Variants in RELCH observed in about 807,000 individuals in gnomAD.
RELCH encodes RAB11 binding and LisH domain, coiled-coil and HEAT repeat containing.
Under a neutral mutation model 150.3 loss-of-function variants are expected in RELCH, and 41 were observed. That is an observed-to-expected ratio of 0.27 (90% CI 0.21 to 0.35). The LOEUF (loss-of-function observed/expected upper bound fraction) is 0.35, where lower values mean the gene tolerates loss of function less well. Among genes scored for constraint, RELCH ranks in the 10% least tolerant of loss-of-function variants. The pLI is 1.00. For missense variants in RELCH, 1,092 were observed against 1,467.8 expected (o/e 0.74, Z 4.18); for synonymous variants, 478 against 531.8 (o/e 0.90, Z 1.39).
chr18:62,260,016 A>G lies in RELCH; in HGVS notation c.2202+1340A>G, dbSNP rs567836306. 5.5e-4 allele frequency among the ~76,000 whole-genome samples: 84 copies of G among 152,034 alleles called. 3 individuals are homozygous for G. The South Asian group carries it at 0.014, about 26-fold the overall frequency. On this transcript the variant is annotated intron_variant, in intron 15 of 28. Coordinates refer to ENST00000644646, the MANE Select transcript of RELCH (RefSeq NM_001346231.2). ...ATTTTTGAAGAAAGATCTCAAAAGCATAGGCAACAAAGCAAAAATAGACAA... is the reference window on the plus strand; with the variant it reads ...ATTTTTGAAGAAAGATCTCAAAAGCGTAGGCAACAAAGCAAAAATAGACAA...
intron 2 of RELCH, among the ~76,000 whole-genome samples, chr18:62,217,504 AT>A (rs2040557307): frequency 6.6e-6 from 1 of 151,936 alleles, no homozygotes; most frequent in Non-Finnish European, 1.5e-5. Context: ...CAGGTTTCCC[AT>A]TTGGCCAACT....
At chr18:62,275,869 T>A (rs1292013958) in intron 22 of RELCH, among the ~76,000 whole-genome samples, 1 of 152,136 alleles carries the variant, frequency 6.6e-6, no homozygotes, top group African/African-American at 2.4e-5. Flanking sequence ...CATTAGAAAA[T>A]CAATTATTGA....
At chr18:62,204,515 A>G (rs1007616439) in intron 1 of RELCH, among the ~76,000 whole-genome samples, 3 of 152,036 alleles carry the variant, frequency 2.0e-5, no homozygotes, top group Non-Finnish European at 4.4e-5. Context: ...GATTTTTTGT[A>G]GAGACAATGT....
intron 24 of RELCH, among the ~76,000 whole-genome samples, chr18:62,281,864 T>C (rs905097124): frequency 2.0e-5 from 3 of 152,184 alleles, no homozygotes; most frequent in South Asian, 2.1e-4. Context: ...CAACATGTTC[T>C]CAAAACCTAA....
chr18:62,244,059 T>G (rs890089069), intron 10 of RELCH, among the ~76,000 whole-genome samples: 1 of 152,110 alleles, frequency 6.6e-6, no homozygotes, highest in Non-Finnish European at 1.5e-5. Flanking sequence ...TGTTAAGAAT[T>G]TCATCTTAAT....
chr18:62,224,030 A>G (rs1229922620), intron 5 of RELCH, among the ~76,000 whole-genome samples: 1 of 152,150 alleles, frequency 6.6e-6, no homozygotes, highest in Non-Finnish European at 1.5e-5. Flanking sequence ...CAGGTTTGAT[A>G]CATAGGTATA....
intron 2 of RELCH, among the ~76,000 whole-genome samples, chr18:62,212,197 G>T (rs975757451): frequency 6.6e-6 from 1 of 152,200 alleles, no homozygotes; most frequent in Admixed American, 6.5e-5. Context: ...AATTCACCCC[G>T]TTAGCAGCCT....
At chr18:62,220,820 C>A in intron 2 of RELCH, 1 of 553,876 alleles carries the variant, frequency 1.8e-6, no homozygotes, top group Non-Finnish European at 3.2e-6. Context: ...GATAATAACC[C>A]CCTGAATTCT....
chr18:62,301,281 A>G (rs1285439831), intron 28 of RELCH, among the ~76,000 whole-genome samples: 1 of 152,206 alleles, frequency 6.6e-6, no homozygotes, highest in East Asian at 1.9e-4. Flanking sequence ...GCACCAGACA[A>G]TAAAGAATTC....
At chr18:62,303,706 T>C (rs1205910742) in intron 28 of RELCH, among the ~76,000 whole-genome samples, 1 of 152,200 alleles carries the variant, frequency 6.6e-6, no homozygotes, top group Non-Finnish European at 1.5e-5. Context: ...GGTTGAACAA[T>C]AGACTGGACA....
In RELCH at chr18:62,187,639, G is replaced by T; in HGVS notation, c.134G>T (p.Ser45Ile). 1 of 1,540,298 alleles carries T rather than the reference G, an allele frequency of 6.5e-7. No individual in the cohort carries two copies. The highest frequency in any genetic ancestry group is 8.8e-7 in the Non-Finnish European group (1 of 1,141,698). Residue 45 changes from serine to isoleucine, a missense_variant, in exon 1 of 29, where the codon AGT becomes ATT. Ser to Ile is a moderately radical substitution (Grantham distance 142). Coordinates refer to ENST00000644646, the MANE Select transcript of RELCH (RefSeq NM_001346231.2). ...RRAVLRLGAG[S>I]GLDPGSAGSL... ...GCAGTACTTCGGCTGGGCGCCGGAA[G>T]TGGCCTAGATCCTGGCTCTGCGGGC... is the stretch of plus-strand genomic sequence containing the variant.
chr18:62,228,615 T>C lies in RELCH; in HGVS notation c.1448+17T>C, dbSNP rs747859759. ...ACCTAATAGGTTAGTATGCATCCTA[T>C]ATTTTGAAATGCATCTTTCAGCTAT... On this transcript the variant is annotated intron_variant, in intron 8 of 28. Coordinates refer to ENST00000644646, the MANE Select transcript of RELCH (RefSeq NM_001346231.2). The C allele has an allele frequency of 5.8e-6, 9 of 1,556,778 alleles. No homozygotes were observed. The highest frequency in any genetic ancestry group is 7.9e-6 in the Non-Finnish European group (9 of 1,146,448).
chr18:62,288,787 A>G (rs1049696790), intron 26 of RELCH, among the ~76,000 whole-genome samples: 2 of 152,154 alleles, frequency 1.3e-5, no homozygotes, highest in African/African-American at 4.8e-5. Flanking sequence ...AGATAGAGGA[A>G]GCAAAAAGAG....
At chr18:62,283,788 G>A (rs4128909) in intron 25 of RELCH, among the ~76,000 whole-genome samples, 2 of 152,170 alleles carry the variant, frequency 1.3e-5, no homozygotes, top group African/African-American at 4.8e-5. Context: ...TTGACTTTTC[G>A]AGGCTGTAGT....
intron 1 of RELCH, 113 bp downstream of exon 1, chr18:62,188,144 G>C (rs568039446): frequency 4.0e-6 from 5 of 1,241,252 alleles, no homozygotes; most frequent in East Asian, 2.6e-5. Flanking sequence ...TTTAAGGAAC[G>C]AGAGTATTGG....
At position 62,309,418 on chromosome 18, in the gene RELCH, T is replaced by C. The variant is rs2045955976; in HGVS notation, c.*3884T>C. ...AGTCTCCAAGTGGCACATCTCATCATTCATATTTTCTCTTCAGAACCAAGT... is the reference window on the plus strand; with the variant it reads ...AGTCTCCAAGTGGCACATCTCATCACTCATATTTTCTCTTCAGAACCAAGT... On this transcript the variant is annotated 3_prime_UTR_variant, in exon 29 of 29. Coordinates refer to ENST00000644646, the MANE Select transcript of RELCH (RefSeq NM_001346231.2). The C allele has an allele frequency of 1.3e-5, 2 of 152,194 alleles. No homozygotes were observed. Among genetic ancestry groups the C allele is most frequent in the Admixed American group, 6.5e-5 (1 of 15,274 alleles). The allele number at this position is 152,194 out of a possible 1,614,324, so 9.4% of individuals were successfully genotyped here. A position where few individuals can be genotyped will look rare whatever the true frequency, so the allele number is the denominator to read the frequency against.
intron 12 of RELCH, among the ~76,000 whole-genome samples, chr18:62,254,224 C>T (rs1026977942): frequency 6.6e-6 from 1 of 152,058 alleles, no homozygotes; most frequent in Non-Finnish European, 1.5e-5. Context: ...GTCTTTCATT[C>T]TATGAATTTA....
chr18:62,203,287 C>T (rs1342063324), intron 1 of RELCH, among the ~76,000 whole-genome samples: 1 of 152,102 alleles, frequency 6.6e-6, no homozygotes, highest in Non-Finnish European at 1.5e-5. Flanking sequence ...GAAACCCCAT[C>T]TCTACTAAAA....
At chr18:62,188,215 T>G (rs1194706595) in intron 1 of RELCH, among the ~76,000 whole-genome samples, 184 bp downstream of exon 1, 2 of 152,228 alleles carry the variant, frequency 1.3e-5, no homozygotes, top group Non-Finnish European at 2.9e-5. Context: ...TCTCTCTGCC[T>G]GCTTCCAACC....
Sources: allele counts gnomAD v4.1 joint callset (sites outside exome capture counted in the v4.1 genomes callset), GRCh38; gene constraint gnomAD v4.1.1; transcripts MANE v1.5; gene names NCBI Gene and HGNC (gene_info 2026-07-23, HGNC 2026-07-21).